Variants in AUTS2 observed in about 807,000 individuals in gnomAD.
The protein encoded by AUTS2 is activator of transcription and developmental regulator AUTS2, also known as autism susceptibility gene 2 protein.
Under a neutral mutation model 112.4 loss-of-function variants are expected in AUTS2, and 17 were observed. The ratio of observed to expected loss-of-function variants is 0.15; its 90% CI spans 0.10 to 0.23. The LOEUF is 0.23. Ranked by LOEUF, AUTS2 falls within the 10% of genes least tolerant of loss-of-function variation. The pLI is 1.00. For missense variants in AUTS2, 1,510 were observed against 1,701.6 expected (o/e 0.89, Z 1.98); for synonymous variants, 751 against 702.7 (o/e 1.07, Z -1.09).
At chr7:70,655,688 C>A (rs1806735703) in intron 5 of AUTS2, among the ~76,000 whole-genome samples, 1 of 152,168 alleles carries the variant, frequency 6.6e-6, no homozygotes, top group Admixed American at 6.5e-5. Flanking sequence ...AAAGAGATTG[C>A]CGTTATTGGC....
At chr7:70,265,596 C>CA (rs1318556441) in intron 4 of AUTS2, among the ~76,000 whole-genome samples, 1 of 152,046 alleles carries the variant, frequency 6.6e-6, no homozygotes. Context: ...TAATTCTTTG[C>CA]AATCTATAGT....
At chr7:69,953,304 C>T (rs1436744271) in intron 2 of AUTS2, among the ~76,000 whole-genome samples, 1 of 152,120 alleles carries the variant, frequency 6.6e-6, no homozygotes, top group Non-Finnish European at 1.5e-5. Context: ...TCACTGTGTC[C>T]CCCTCACCCC....
intron 4 of AUTS2, among the ~76,000 whole-genome samples, chr7:70,433,172 T>C (rs1477314281): frequency 1.3e-5 from 2 of 152,180 alleles, no homozygotes; most frequent in Non-Finnish European, 2.9e-5. Flanking sequence ...AGCTTAACAC[T>C]TTGATAGAAA....
chr7:70,153,190 T>A (rs1807541413), intron 4 of AUTS2, among the ~76,000 whole-genome samples: 1 of 152,188 alleles, frequency 6.6e-6, no homozygotes, highest in Non-Finnish European at 1.5e-5. Flanking sequence ...ATCAACTTAA[T>A]GAATGAAAAT....
intron 1 of AUTS2, among the ~76,000 whole-genome samples, chr7:69,637,437 C>T (rs549145157): frequency 1.8e-4 from 28 of 152,252 alleles, no homozygotes; most frequent in African/African-American, 6.7e-4. Flanking sequence ...TTTGCTATTG[C>T]CCCTGAAATT....
At chr7:70,490,772 C>T (rs1157317029) in intron 5 of AUTS2, among the ~76,000 whole-genome samples, 4 of 152,200 alleles carry the variant, frequency 2.6e-5, no homozygotes, top group Non-Finnish European at 5.9e-5. Flanking sequence ...CTTCTGGCTT[C>T]TGATCATTCA....
chr7:69,892,036 C>G (rs1794548085), intron 1 of AUTS2, among the ~76,000 whole-genome samples: 1 of 151,918 alleles, frequency 6.6e-6, no homozygotes, highest in South Asian at 2.1e-4. Flanking sequence ...TGTGATCCAT[C>G]TGCCCTGGCC....
chr7:70,474,894 G>T (rs572929020), intron 5 of AUTS2, among the ~76,000 whole-genome samples: 1 of 152,286 alleles, frequency 6.6e-6, no homozygotes, highest in African/African-American at 2.4e-5. Flanking sequence ...CTGGGTTTAG[G>T]TCTGGCTCAT....
intron 1 of AUTS2, among the ~76,000 whole-genome samples, chr7:69,844,241 G>T (rs1357169503): frequency 6.6e-6 from 1 of 152,158 alleles, no homozygotes; most frequent in Non-Finnish European, 1.5e-5. Flanking sequence ...ATTTTTAAAT[G>T]AAATAAGCCT....
At chr7:70,646,755 G>A (rs1563099545) in intron 5 of AUTS2, among the ~76,000 whole-genome samples, 1 of 152,244 alleles carries the variant, frequency 6.6e-6, no homozygotes, top group Non-Finnish European at 1.5e-5. Context: ...GCCATGCAAG[G>A]CGGCTGCTCA....
At chr7:70,151,178 C>T (rs1328298341) in intron 4 of AUTS2, among the ~76,000 whole-genome samples, 6 of 152,048 alleles carry the variant, frequency 3.9e-5, no homozygotes, top group South Asian at 2.1e-4. Context: ...GGGTGATGCA[C>T]GGAGAAAGGA....
At chr7:70,495,778 TCACA>T (rs368760127) in intron 5 of AUTS2, among the ~76,000 whole-genome samples, 2 of 15,986 alleles carry the variant, frequency 1.3e-4, no homozygotes, top group Non-Finnish European at 2.6e-4. Context: ...ACGTACACAG[TCACA>T]CACACACACA....
At chr7:69,960,877 T>C (rs559785447) in intron 2 of AUTS2, among the ~76,000 whole-genome samples, 1 of 152,152 alleles carries the variant, frequency 6.6e-6, no homozygotes, top group African/African-American at 2.4e-5. Flanking sequence ...GCTCATCAAC[T>C]TCTGTGTGTG....
At chr7:70,068,444 A>G (rs1050837560) in intron 2 of AUTS2, among the ~76,000 whole-genome samples, 2 of 151,940 alleles carry the variant, frequency 1.3e-5, no homozygotes, top group Non-Finnish European at 1.5e-5. Context: ...TTGGCCTCCC[A>G]AAGTGCTGAG....
At position 70,244,233 on chromosome 7, in the gene AUTS2, A is replaced by G. The variant is rs919946136; in HGVS notation, c.660+109662A>G. ...ACACTAGTGATCATACTTTCAACAGATCATACTGTAGATATTACTGTAGAT... is the reference window on the plus strand; with the variant it reads ...ACACTAGTGATCATACTTTCAACAGGTCATACTGTAGATATTACTGTAGAT... On this transcript the variant is annotated intron_variant, in intron 4 of 18. Coordinates refer to ENST00000342771, the MANE Select transcript of AUTS2 (RefSeq NM_015570.4). Among the ~76,000 whole-genome samples the G allele has an allele frequency of 3.3e-5, 5 of 152,320 alleles. No individual in the cohort carries two copies. The East Asian group carries it at 5.8e-4, about 18-fold the overall frequency.
At chr7:69,745,706 G>T (rs557865607) in intron 1 of AUTS2, among the ~76,000 whole-genome samples, 2 of 152,190 alleles carry the variant, frequency 1.3e-5, no homozygotes, top group South Asian at 4.2e-4. Context: ...ATTACATTTG[G>T]GGGAAGTAAT....
intron 1 of AUTS2, among the ~76,000 whole-genome samples, chr7:69,849,464 C>G (rs951655127): frequency 1.3e-5 from 2 of 152,100 alleles, no homozygotes; most frequent in African/African-American, 4.8e-5. Flanking sequence ...AGAACTGTTT[C>G]ATCATCACGA....
At chr7:70,132,667 C>T (rs554263793) in intron 3 of AUTS2, among the ~76,000 whole-genome samples, 2 of 152,258 alleles carry the variant, frequency 1.3e-5, no homozygotes, top group Admixed American at 1.3e-4. Context: ...ACCCAGCTCC[C>T]TGAGTAATGT....
intron 1 of AUTS2, among the ~76,000 whole-genome samples, chr7:69,862,759 C>A (rs1562934846): frequency 6.6e-6 from 1 of 152,208 alleles, no homozygotes; most frequent in South Asian, 2.1e-4. Context: ...TGACCAGTTA[C>A]CCTGCACAGT....
Sources: gnomAD v4.1 joint callset for allele counts (sites outside exome capture counted in the v4.1 genomes callset) on GRCh38, gnomAD v4.1.1 for gene constraint, MANE v1.5 for transcripts, NCBI Gene and HGNC (gene_info 2026-07-23, HGNC 2026-07-21) for gene names.